The following CCDC183 variants were observed in gnomAD, a reference collection of about 807,000 sequenced individuals.
The protein encoded by CCDC183 is coiled-coil domain containing 183.
In CCDC183, 63 loss-of-function variants were observed where a neutral mutation model predicts 65.2. That is an observed-to-expected ratio of 0.97 (90% confidence interval 0.79 to 1.19). The LOEUF is 1.19. CCDC183 is among the 50% of genes most tolerant of loss of function. The pLI is 0.00. For missense variants in CCDC183, 769 were observed against 689.3 expected (o/e 1.12, Z -1.30); for synonymous variants, 323 against 276.5 (o/e 1.17, Z -1.67).
intron 6 of CCDC183, chr9:136,803,995 G>T: frequency 6.0e-6 from 1 of 167,064 alleles, no homozygotes; most frequent in South Asian, 1.5e-4. Context: ...GATCACCTGG[G>T]TATACCCGGG....
chr9:136,796,412 T>C lies in CCDC183; in HGVS notation c.15T>C (p.Ser5=). The change falls in exon 1 of 14, where the codon AGT becomes AGC. Residue 5 remains serine (S), a synonymous_variant. Transcript: ENST00000338005. MRRH[S]ETDVEEQTQE... Reference sequence around the variant, plus strand: ...TGAGAGCAGCCATGAGGAGGCACAGTGAGACAGATGTGGAAGAGCAGACCC... The same window carrying C: ...TGAGAGCAGCCATGAGGAGGCACAGCGAGACAGATGTGGAAGAGCAGACCC... 1.3e-6 allele frequency: 2 copies of C among 1,584,728 alleles called. No homozygotes were observed. The highest frequency in any genetic ancestry group is 1.7e-6 in the Non-Finnish European group (2 of 1,165,436).
intron 5 of CCDC183, 21 bp from the exon 6 acceptor site, chr9:136,802,643 A>G (rs1477104992): frequency 2.5e-6 from 4 of 1,599,700 alleles, no homozygotes; most frequent in South Asian, 1.1e-5. Context: ...AGGGGCCACA[A>G]GAGAACCCCA....
intron 5 of CCDC183, among the ~76,000 whole-genome samples, chr9:136,801,919 C>T (rs1847741670): frequency 1.3e-5 from 2 of 151,874 alleles, no homozygotes; most frequent in South Asian, 4.2e-4. Context: ...TCCCGAATAG[C>T]TAGAATTACA....
rs1474489782 is a variant in CCDC183, at chr9:136,806,361, C to G, written c.1109+123C>G. On this transcript the variant is annotated intron_variant, in intron 10 of 13. Coordinates refer to ENST00000338005, the MANE Select transcript of CCDC183 (RefSeq NM_001039374.5). ...CAAGCCTGTGTGTCCCACAGAGGGG[C>G]CAGGGGACTCCACTTGCACACACCT... is the stretch of plus-strand genomic sequence containing the variant. 2.2e-6 allele frequency: 3 copies of G among 1,368,370 alleles called. No homozygotes were observed. In the East Asian group the frequency reaches 7.3e-5, roughly 33 times the overall value. The allele number at this position is 1,368,370 out of a possible 1,614,324, so 84.8% of individuals were successfully genotyped here.
At chr9:136,799,332 G>A (rs1847700885) in intron 2 of CCDC183, 109 bp downstream of exon 2, 8 of 1,440,606 alleles carry the variant, frequency 5.6e-6, no homozygotes, top group Non-Finnish European at 7.3e-6. Context: ...AATCTTTCTG[G>A]ATCCAGGGGG....
In CCDC183 at chr9:136,806,646, A is replaced by T. The variant is rs757633500; in HGVS notation, c.1252A>T (p.Met418Leu). The change falls in exon 11 of 14, where the codon ATG becomes TTG. Residue 418 changes from methionine to leucine, a missense_variant. By Grantham distance (15) the Met-to-Leu change is conservative (BLOSUM62 2). Coordinates refer to ENST00000338005, the MANE Select transcript of CCDC183 (RefSeq NM_001039374.5). ...CATCGACAACCTCTATGTCCGGCTG[A>T]TGGGCATTAACTTGCCTGCGACCCA... The part of the protein sequence containing the change: ...MGIDNLYVRL[M>L]GINLPATQRE... 4 of 1,613,568 alleles carry T rather than the reference A, an allele frequency of 2.5e-6. No homozygotes were observed. In the East Asian group the frequency reaches 6.7e-5, roughly 27 times the overall value.
Position 136,807,040 on chromosome 9 carries a change from T to A in CCDC183, c.1460T>A (p.Phe487Tyr), listed in dbSNP as rs1564353247. 1 of 1,613,170 alleles carries A rather than the reference T, an allele frequency of 6.2e-7. No homozygotes were observed. Among genetic ancestry groups the A allele is most frequent in the Non-Finnish European group, 8.5e-7 (1 of 1,179,936 alleles). ...LMEKYNTRIS[F>Y]ENREEDMIDT... is the part of the protein sequence containing the mutation. The stretch of plus-strand genomic sequence containing the variant: ...GAGAAGTACAACACCAGGATCAGCT[T>A]TGAGAACCGGGAGGAGGATATGATC... Residue 487 changes from phenylalanine (F) to tyrosine (Y), a missense_variant, in exon 13 of 14, where the codon TTT (phenylalanine) becomes TAT (tyrosine). Coordinates refer to ENST00000338005, the MANE Select transcript of CCDC183 (RefSeq NM_001039374.5).
chr9:136,806,720 G>A (rs1239248830), intron 11 of CCDC183, 37 bp from the exon 12 acceptor site: 2 of 1,613,358 alleles, frequency 1.2e-6, no homozygotes, highest in East Asian at 2.2e-5. Flanking sequence ...CCTGGGCAGG[G>A]CCAGAGGGGA....
intron 1 of CCDC183, 140 bp from the exon 2 acceptor site, chr9:136,798,962 A>AG (rs1454689439): frequency 9.8e-6 from 11 of 1,120,164 alleles, no homozygotes; most frequent in Non-Finnish European, 1.4e-5. Context: ...ACAGGGCGGG[A>AG]GGAGGGATCT....
intron 5 of CCDC183, among the ~76,000 whole-genome samples, chr9:136,802,383 C>T (rs904069760): frequency 3.3e-5 from 5 of 152,218 alleles, no homozygotes; most frequent in Non-Finnish European, 7.3e-5. Context: ...CAAACCTCCC[C>T]GGGTTTCAGT....
At chr9:136,801,777 TA>T (rs1010921184) in intron 5 of CCDC183, among the ~76,000 whole-genome samples, 20 of 152,254 alleles carry the variant, frequency 1.3e-4, no homozygotes, top group African/African-American at 4.3e-4. Flanking sequence ...TCTACACTTC[TA>T]GTTTTGTTTT....
At chr9:136,802,130 T>A (rs1298953138) in intron 5 of CCDC183, among the ~76,000 whole-genome samples, 2 of 152,204 alleles carry the variant, frequency 1.3e-5, no homozygotes, top group Non-Finnish European at 2.9e-5. Context: ...AGCAAAGCTA[T>A]CCTGAGCACG....
In CCDC183 at chr9:136,804,535, G is replaced by A. The variant is rs546886514; in HGVS notation, c.700G>A (p.Glu234Lys). 6.0e-5 allele frequency: 97 copies of A among 1,613,396 alleles called. No homozygotes were observed. The highest frequency in any genetic ancestry group is 1.5e-4 in the South Asian group (14 of 91,080). Reference sequence around the variant, plus strand: ...GAGGCAAAGGGAGGCGTCCTTCATCGAGGAGCGCCGGGCAAGGGAGAACCG... The same window carrying A: ...GAGGCAAAGGGAGGCGTCCTTCATCAAGGAGCGCCGGGCAAGGGAGAACCG... ...NMRQREASFI[E>K]ERRARENRLN... The change falls in exon 7 of 14, where the codon GAG becomes AAG. Residue 234 changes from glutamate (E) to lysine (K), a missense_variant. By Grantham distance (56) the Glu-to-Lys change is moderately conservative (BLOSUM62 1). Coordinates refer to ENST00000338005, the MANE Select transcript of CCDC183 (RefSeq NM_001039374.5). This position sits in a 1 kb window ranked among gnomAD's most constrained non-coding sequence, Gnocchi z 4.1.
Position 136,804,760 on chromosome 9 carries a change from A to G in CCDC183, c.793-2A>G. On this transcript the variant is annotated splice_acceptor_variant, in intron 7 of 13. Coordinates refer to ENST00000338005, the MANE Select transcript of CCDC183 (RefSeq NM_001039374.5). LOFTEE classifies it high-confidence loss of function. This position sits in a 1 kb window ranked among gnomAD's most constrained non-coding sequence, Gnocchi z 4.1. ...CCCTTCCCCGCCCCCACCTCCCATC[A>G]GGGCCAGATGGACTTGGACTTCCCC... The G allele has an allele frequency of 6.2e-7, 1 of 1,612,828 alleles. No homozygotes were observed. The highest frequency in any genetic ancestry group is 8.5e-7 in the Non-Finnish European group (1 of 1,179,518).
intron 3 of CCDC183, 99 bp downstream of exon 3, chr9:136,799,889 C>G: frequency 6.6e-7 from 1 of 1,511,470 alleles, no homozygotes; most frequent in Non-Finnish European, 9.0e-7. Flanking sequence ...GAGCAGGTGC[C>G]CAGCCCCAGG....
intron 1 of CCDC183, among the ~76,000 whole-genome samples, chr9:136,796,852 G>A (rs979667967): frequency 1.3e-5 from 2 of 152,168 alleles, no homozygotes; most frequent in African/African-American, 4.8e-5. Context: ...GCCCAGGAAA[G>A]CCTGGGAATT....
intron 13 of CCDC183, 154 bp from the exon 14 acceptor site, chr9:136,807,418 C>A (rs1258377760): frequency 3.0e-6 from 3 of 987,920 alleles, no homozygotes; most frequent in Non-Finnish European, 4.3e-6. Flanking sequence ...TGAGCCGCTG[C>A]GAATGGGCTG....
chr9:136,797,399 A>T (rs1847663554), intron 1 of CCDC183, among the ~76,000 whole-genome samples: 1 of 151,256 alleles, frequency 6.6e-6, no homozygotes, highest in Non-Finnish European at 1.5e-5. Flanking sequence ...TGAGTGTGCC[A>T]GTCCCCTGGG....
intron 13 of CCDC183, 79 bp from the exon 14 acceptor site, chr9:136,807,493 G>C: frequency 6.1e-6 from 9 of 1,480,016 alleles, no homozygotes; most frequent in Admixed American, 2.4e-5. Flanking sequence ...GGTCGGTGGA[G>C]GGCGGGGGCG....
Sources: gnomAD v4.1 joint callset for allele counts (sites outside exome capture counted in the v4.1 genomes callset) on GRCh38, gnomAD v4.1.1 for gene constraint, Gnocchi (gnomAD v3.1) non-coding constraint, MANE v1.5 for transcripts, NCBI Gene and HGNC (gene_info 2026-07-23, HGNC 2026-07-21) for gene names.